Variants in STOX2 observed in about 807,000 individuals in gnomAD.
The protein encoded by STOX2 is storkhead-box protein 2.
In STOX2, 28 loss-of-function variants were observed where a neutral mutation model predicts 60.9. That is an observed-to-expected ratio of 0.46 (90% CI 0.34 to 0.63). The LOEUF (loss-of-function observed/expected upper bound fraction) is 0.63, where lower values mean the gene tolerates loss of function less well. Among genes scored for constraint, STOX2 ranks in the 30% least tolerant of loss-of-function variants. The pLI is 0.01. For missense variants in STOX2, 1,024 were observed against 1,187.7 expected (o/e 0.86, Z 2.03); for synonymous variants, 472 against 463.9 (o/e 1.02, Z -0.22).
At chr4:183,871,660 TTTTA>T (rs1367659866) in intron 1 of STOX2, among the ~76,000 whole-genome samples, 2 of 151,722 alleles carry the variant, frequency 1.3e-5, no homozygotes, top group Non-Finnish European at 2.9e-5. Context: ...ATGAAGTTTA[TTTTA>T]TTATTATTTT....
intron 1 of STOX2, among the ~76,000 whole-genome samples, chr4:183,969,069 G>T (rs1479762975): frequency 6.6e-6 from 1 of 152,186 alleles, no homozygotes; most frequent in Non-Finnish European, 1.5e-5. Flanking sequence ...CTTTAAAGAG[G>T]CCAGTTTTGC....
intron 1 of STOX2, among the ~76,000 whole-genome samples, chr4:183,808,443 GT>G (rs1159506129): frequency 6.6e-6 from 1 of 152,048 alleles, no homozygotes; most frequent in Non-Finnish European, 1.5e-5. Flanking sequence ...TTTGTTTTTT[GT>G]TTTGGGGGAC....
chr4:183,839,114 C>T (rs1739787516), intron 1 of STOX2, among the ~76,000 whole-genome samples: 1 of 152,108 alleles, frequency 6.6e-6, no homozygotes, highest in Non-Finnish European at 1.5e-5. Context: ...GTGGGTGCTG[C>T]AGATCCAATC....
chr4:183,947,102 C>T (rs1742917188), intron 1 of STOX2, among the ~76,000 whole-genome samples: 1 of 151,936 alleles, frequency 6.6e-6, no homozygotes, highest in Admixed American at 6.6e-5. Context: ...AAGGGGGCTC[C>T]TGGAACCAGC....
chr4:183,963,876 T>C (rs530645992), intron 1 of STOX2, among the ~76,000 whole-genome samples: 48 of 150,236 alleles, frequency 3.2e-4, no homozygotes, highest in African/African-American at 7.6e-4. Flanking sequence ...CCCGGGTTCA[T>C]GCCATTCTCC....
At chr4:183,930,166 C>CTTTT (rs11318493) in intron 1 of STOX2, among the ~76,000 whole-genome samples, 1 of 135,672 alleles carries the variant, frequency 7.4e-6, no homozygotes, top group Middle Eastern at 3.6e-3. Context: ...ACCAGGCCAA[C>CTTTT]TTTTTTTTTT....
At position 183,937,135 on chromosome 4, in the gene STOX2, G is replaced by T. The variant is rs1742611808; in HGVS notation, c.166+30179G>T. The stretch of plus-strand genomic sequence containing the variant: ...GTACAGCTAAAGCACTCTTTGGTGA[G>T]GTACATTCATTGTGCCTTTCCTTTC... On this transcript the variant is annotated intron_variant, in intron 1 of 3. Transcript: ENST00000308497. Among the ~76,000 whole-genome samples, 4 of 152,300 alleles carry T rather than the reference G, an allele frequency of 2.6e-5. No individual in the cohort carries two copies. The East Asian group carries it at 7.7e-4, about 29-fold the overall frequency.
At chr4:183,960,729 C>A (rs778619616) in intron 1 of STOX2, among the ~76,000 whole-genome samples, 6 of 152,120 alleles carry the variant, frequency 3.9e-5, no homozygotes, top group Admixed American at 1.3e-4. Flanking sequence ...TAAAGAGTGT[C>A]GGATTTGCTT....
intron 1 of STOX2, among the ~76,000 whole-genome samples, chr4:183,928,621 C>T (rs1742313602): frequency 6.6e-6 from 1 of 152,058 alleles, no homozygotes; most frequent in South Asian, 2.1e-4. Context: ...GGACCTGAAT[C>T]AGTAACCCAG....
At chr4:183,986,659 C>T (rs1305044220) in intron 1 of STOX2, among the ~76,000 whole-genome samples, 4 of 152,242 alleles carry the variant, frequency 2.6e-5, no homozygotes, top group Non-Finnish European at 5.9e-5. Context: ...TTGTAGCTAT[C>T]GGATGGGTGA....
rs565215301 is a variant in STOX2, at chr4:183,853,794, AT to A, written c.364+55743del. Reference sequence around the variant, plus strand: ...AGCCACAGATTATTACCATCTGTACATTTTACAGACCTCTTACAAAAACCAG... The same window carrying A: ...AGCCACAGATTATTACCATCTGTACATTTACAGACCTCTTACAAAAACCAG... On this transcript the variant is annotated intron_variant, in intron 1 of 2. Coordinates refer to the STOX2 transcript ENST00000513034. The A allele has an allele frequency of 2.3e-4, 35 of 152,318 alleles. No homozygotes were observed. The East Asian group carries it at 6.8e-3, about 29-fold the overall frequency. The allele number at this position is 152,318 out of a possible 1,614,324, so 9.4% of individuals were successfully genotyped here.
At chr4:183,951,210 G>A (rs766235345) in intron 1 of STOX2, among the ~76,000 whole-genome samples, 104 of 132,792 alleles carry the variant, frequency 7.8e-4, no homozygotes, top group South Asian at 7.5e-3. Flanking sequence ...GCGAGACTCC[G>A]TCTCAAAAAA....
Position 184,010,024 on chromosome 4 carries a change from G to C in STOX2, c.1186G>C (p.Glu396Gln). 6.2e-7 allele frequency: 1 copy of C among 1,613,934 alleles called. No homozygotes were observed. The highest frequency in any genetic ancestry group is 8.5e-7 in the Non-Finnish European group (1 of 1,179,868). Residue 396 changes from glutamate (E) to glutamine (Q), a missense_variant, in exon 3 of 4, where the codon GAG becomes CAG. This residue lies in a region of STOX2 where 922 missense variants were observed against 1,058.3 expected (regional missense o/e 0.87). Transcript: ENST00000308497. This position sits in a 1 kb window ranked among gnomAD's most constrained non-coding sequence, Gnocchi z 4.5. ...GSHLDIPAER[E>Q]YDFCDPLTRV... is the part of the protein sequence containing the mutation. ...ACATCTGGATATCCCAGCTGAAAGAGAGTATGACTTTTGTGATCCTCTTAC... is the reference window on the plus strand; with the variant it reads ...ACATCTGGATATCCCAGCTGAAAGACAGTATGACTTTTGTGATCCTCTTAC...
chr4:183,967,127 C>A (rs1429197984), intron 1 of STOX2, among the ~76,000 whole-genome samples: 1 of 152,100 alleles, frequency 6.6e-6, no homozygotes, highest in Non-Finnish European at 1.5e-5. Flanking sequence ...CTTTGGGAGG[C>A]CGAGGTGGGC....
intron 1 of STOX2, among the ~76,000 whole-genome samples, chr4:183,961,120 A>C (rs535277617): frequency 2.6e-5 from 4 of 152,270 alleles, no homozygotes; most frequent in African/African-American, 9.6e-5. Context: ...GGAAAGGTTA[A>C]GGCAGTGTCT....
At chr4:183,887,475 G>A (rs946072358) in intron 1 of STOX2, among the ~76,000 whole-genome samples, 14 of 152,196 alleles carry the variant, frequency 9.2e-5, no homozygotes, top group Middle Eastern at 3.2e-3. Flanking sequence ...TACTGTGTGA[G>A]CTACTGGAGG....
At chr4:184,015,097 A>T (rs1734314333) in intron 3 of STOX2, 1 of 152,178 alleles carries the variant, frequency 6.6e-6, no homozygotes, top group African/African-American at 2.4e-5. Flanking sequence ...TTCTTCCTTG[A>T]TGCTTACTTC....
chr4:183,807,043 G>C (rs987911988), intron 1 of STOX2, among the ~76,000 whole-genome samples: 1 of 152,018 alleles, frequency 6.6e-6, no homozygotes, highest in Non-Finnish European at 1.5e-5. Context: ...CGCGATCTCG[G>C]CTCACTGCAA....
At chr4:183,883,375 A>T (rs1234640995) in intron 1 of STOX2, among the ~76,000 whole-genome samples, 2 of 149,490 alleles carry the variant, frequency 1.3e-5, no homozygotes, top group African/African-American at 4.9e-5. Context: ...GCTGGAGTGC[A>T]GTGGCGCGAT....
Sources: gnomAD v4.1 joint callset for allele counts (sites outside exome capture counted in the v4.1 genomes callset) on GRCh38, gnomAD v4.1.1 for gene constraint, gnomAD v4.1.1 regional missense constraint, Gnocchi (gnomAD v3.1) non-coding constraint, MANE v1.5 for transcripts, NCBI Gene and HGNC (gene_info 2026-07-23, HGNC 2026-07-21) for gene names.